SEMA6A: variants seen among roughly 807,000 people sequenced by gnomAD.
The protein encoded by SEMA6A is semaphorin-6A.
Under a neutral mutation model 96.8 loss-of-function variants are expected in SEMA6A, and 25 were observed. The ratio of observed to expected loss-of-function variants is 0.26; its 90% CI spans 0.19 to 0.36. The LOEUF (loss-of-function observed/expected upper bound fraction) is 0.36. Ranked by LOEUF, SEMA6A falls within the 10% of genes least tolerant of loss-of-function variation. The pLI, the probability that SEMA6A is intolerant of heterozygous loss-of-function variation, is 1.00. For missense variants in SEMA6A, 1,363 were observed against 1,323.1 expected, an observed-to-expected ratio of 1.03 and a Z score of -0.47; for synonymous variants, 612 against 518.0, an observed-to-expected ratio of 1.18 and a Z score of -2.46.
chr5:116,498,716 G>C (rs1238672794), intron 3 of SEMA6A: 1 of 152,092 alleles, frequency 6.6e-6, no homozygotes, highest in African/African-American at 2.4e-5. Flanking sequence ...CAGTTTTATT[G>C]CATTTGTTTA....
rs191821860 is a variant in SEMA6A at position 116,467,877 on chromosome 5, G to A, written c.1730-130C>T. 5.1e-4 allele frequency: 424 copies of A among 823,450 alleles called. 1 individual carries two copies. The highest frequency in any genetic ancestry group is 7.4e-4 in the Admixed American group (29 of 39,302). The allele number at this position is 823,450 out of a possible 1,614,324, so 51.0% of individuals were successfully genotyped here. On this transcript the variant is annotated intron_variant, in intron 17 of 18. Coordinates refer to ENST00000343348, the MANE Select transcript of SEMA6A (RefSeq NM_020796.5). The stretch of plus-strand genomic sequence containing the variant: ...GAGGAGATGGCCCTAGAAATGACAC[G>A]GCTTAGTGGTGGTGGTGGTGGTGGT...
chr5:116,452,421 G>GTTT lies in SEMA6A; in HGVS notation c.1895-4613_1895-4611dup, dbSNP rs59419584. The stretch of plus-strand genomic sequence containing the variant: ...ACTGAGAAAGAATAGAATCTCCACT[G>GTTT]TTTTTTTTTTTTTTTCCTGAGGTGA... On this transcript the variant is annotated intron_variant, in intron 18 of 18. Coordinates refer to ENST00000343348, the MANE Select transcript of SEMA6A (RefSeq NM_020796.5). Among the ~76,000 whole-genome samples, 61 of 140,986 alleles carry GTTT rather than the reference G, an allele frequency of 4.3e-4. 2 individuals are homozygous for GTTT. The highest frequency in any genetic ancestry group is 1.4e-3 in the African/African-American group (55 of 38,654). 92.5% of individuals were successfully genotyped at this position (140,986 alleles called of 152,430 possible). A position where few individuals can be genotyped will look rare whatever the true frequency, so the allele number is the denominator to read the frequency against.
At chr5:116,564,708 T>TAA (rs75431360) in intron 1 of SEMA6A, among the ~76,000 whole-genome samples, 9 of 151,194 alleles carry the variant, frequency 6.0e-5, no homozygotes, top group Non-Finnish European at 1.2e-4. Context: ...GTCACAAACC[T>TAA]AAAAAAAAAT....
At chr5:116,521,538 A>G (rs1376650509) in intron 1 of SEMA6A, among the ~76,000 whole-genome samples, 1 of 152,200 alleles carries the variant, frequency 6.6e-6, no homozygotes, top group African/African-American at 2.4e-5. Flanking sequence ...TGGCTCTGTC[A>G]TGACCGTCTC....
chr5:116,447,806 T>A lies in SEMA6A; in HGVS notation c.1900A>T (p.Ile634Phe). The A allele has an allele frequency of 6.3e-7, 1 of 1,594,250 alleles. No homozygotes were observed. The highest frequency in any genetic ancestry group is 2.2e-5 in the East Asian group (1 of 44,458). ...SHNHQDKKGV[I>F]RESYLKGHDQ... ...TGGCCTTTGAGGTAACTTTCCCGAA[T>A]CACTCCTGCAATAGACATCGCATAT... Residue 634 changes from isoleucine (I) to phenylalanine (F), a missense_variant, in exon 19 of 19, where the codon ATT (isoleucine) becomes TTT (phenylalanine). Physicochemically the swap from Ile to Phe is conservative, Grantham distance 21 (BLOSUM62 0). Around this residue, in one of 2 missense-constraint regions of SEMA6A, gnomAD observed 883 missense variants for 763.6 expected, o/e 1.16. Coordinates refer to ENST00000343348, the MANE Select transcript of SEMA6A (RefSeq NM_020796.5).
intron 7 of SEMA6A, among the ~76,000 whole-genome samples, chr5:116,489,790 A>T (rs913609909): frequency 1.3e-5 from 2 of 152,232 alleles, no homozygotes; most frequent in Non-Finnish European, 2.9e-5. Flanking sequence ...CAGACTGAAG[A>T]TTAGTCTCTA....
At chr5:116,467,894 G>A (rs1376805105) in intron 17 of SEMA6A, 147 bp from the exon 18 acceptor site, 12 of 638,910 alleles carry the variant, frequency 1.9e-5, no homozygotes, top group Non-Finnish European at 2.9e-5. Flanking sequence ...TGGTGGTGGT[G>A]GTGGTGGTGG....
chr5:116,506,905 A>C (rs1417381367), intron 1 of SEMA6A, among the ~76,000 whole-genome samples: 3 of 152,180 alleles, frequency 2.0e-5, no homozygotes, highest in Non-Finnish European at 4.4e-5. Context: ...TCCTTCAACA[A>C]CTGCATTCAT....
At chr5:116,492,167 T>C (rs1204647159) in intron 6 of SEMA6A, among the ~76,000 whole-genome samples, 1 of 152,150 alleles carries the variant, frequency 6.6e-6, no homozygotes, top group African/African-American at 2.4e-5. Flanking sequence ...GGGTCTGGCA[T>C]GTATTCAAAA....
intron 18 of SEMA6A, among the ~76,000 whole-genome samples, chr5:116,452,147 T>C (rs1363696592): frequency 6.6e-6 from 1 of 152,238 alleles, no homozygotes; most frequent in African/African-American, 2.4e-5. Flanking sequence ...AGTTGGCTTC[T>C]CTACCCTAGG....
intron 12 of SEMA6A, among the ~76,000 whole-genome samples, 189 bp from the exon 13 acceptor site, chr5:116,478,907 G>C (rs965663003): frequency 1.3e-5 from 2 of 148,320 alleles, no homozygotes; most frequent in African/African-American, 2.5e-5. Context: ...TGGCTCCAAA[G>C]GGGAGGAAGG....
chr5:116,557,712 C>T (rs958839186), intron 1 of SEMA6A, among the ~76,000 whole-genome samples: 4 of 152,138 alleles, frequency 2.6e-5, no homozygotes, highest in African/African-American at 7.2e-5. Flanking sequence ...CCATCAAGAG[C>T]ACTGGTGATG....
intron 7 of SEMA6A, among the ~76,000 whole-genome samples, chr5:116,490,698 G>A (rs75050668): frequency 0.063 from 9,580 of 152,236 alleles, 599 homozygotes; most frequent in African/African-American, 0.15. Context: ...GAATGACACT[G>A]AGGGAGAGGT....
At chr5:116,519,446 AC>A (rs2112811216) in intron 1 of SEMA6A, among the ~76,000 whole-genome samples, 1 of 152,290 alleles carries the variant, frequency 6.6e-6, no homozygotes, top group East Asian at 1.9e-4. Context: ...GTTCAATTAA[AC>A]CCAGAAACAG....
intron 18 of SEMA6A, among the ~76,000 whole-genome samples, chr5:116,450,476 A>C (rs1754554832): frequency 6.6e-6 from 1 of 152,104 alleles, no homozygotes; most frequent in Non-Finnish European, 1.5e-5. Flanking sequence ...AAAACTGCAA[A>C]TTTTTCACAT....
chr5:116,572,585 C>G (rs2112928162), intron 1 of SEMA6A, among the ~76,000 whole-genome samples: 2 of 152,340 alleles, frequency 1.3e-5, no homozygotes, highest in Middle Eastern at 3.4e-3. Flanking sequence ...GCACCTGAAG[C>G]TGCCTACTTG....
intron 1 of SEMA6A, among the ~76,000 whole-genome samples, chr5:116,557,802 T>C (rs1178385314): frequency 6.6e-6 from 1 of 152,316 alleles, no homozygotes; most frequent in East Asian, 1.9e-4. Context: ...GATGGTAGCA[T>C]TCTGTGTGTT....
intron 1 of SEMA6A, chr5:116,550,573 G>A (rs1396650191): frequency 6.6e-6 from 1 of 152,142 alleles, no homozygotes; most frequent in African/African-American, 2.4e-5. Context: ...ATTTTTTGAA[G>A]GATCTGTCAG....
chr5:116,494,585 A>C (rs979957925), intron 6 of SEMA6A, among the ~76,000 whole-genome samples: 1 of 152,180 alleles, frequency 6.6e-6, no homozygotes, highest in African/African-American at 2.4e-5. Flanking sequence ...TTGTGCTTCC[A>C]TAATCCATTG....
Sources: allele counts gnomAD v4.1 joint callset (sites outside exome capture counted in the v4.1 genomes callset), GRCh38; gene constraint gnomAD v4.1.1; regional missense constraint gnomAD v4.1.1; transcripts MANE v1.5; gene names NCBI Gene and HGNC (gene_info 2026-07-23, HGNC 2026-07-21).